TLE4: variants seen among roughly 807,000 people sequenced by gnomAD.
TLE4 encodes the protein transducin-like enhancer protein 4.
A neutral mutation model predicts 92.8 loss-of-function variants in TLE4; 8 were observed. That is an observed-to-expected ratio of 0.09 (90% CI 0.05 to 0.16). TLE4 has a LOEUF of 0.16. TLE4 is among the 10% of genes least tolerant of loss of function. The probability of loss-of-function intolerance (pLI) is 1.00; values close to 1 mark genes in which losing one functional copy is unlikely to be tolerated. For synonymous variants in TLE4, 371 were observed against 374.1 expected, an observed-to-expected ratio of 0.99 and a Z score of 0.10; for missense variants, 675 against 997.6, an observed-to-expected ratio of 0.68 and a Z score of 4.36.
chr9:79,721,374 C>A (rs1044196793), intron 16 of TLE4, among the ~76,000 whole-genome samples: 15 of 152,186 alleles, frequency 9.9e-5, no homozygotes, highest in Non-Finnish European at 1.9e-4. Flanking sequence ...AAATTAAATT[C>A]TCTCTCCCTC....
intron 8 of TLE4, among the ~76,000 whole-genome samples, chr9:79,675,724 T>G (rs1222031218): frequency 6.6e-6 from 1 of 152,158 alleles, no homozygotes; most frequent in Non-Finnish European, 1.5e-5. Flanking sequence ...TTTGCTTCTC[T>G]TTTAAACACA....
At chr9:79,665,051 C>T (rs548856484) in intron 8 of TLE4, among the ~76,000 whole-genome samples, 2 of 152,112 alleles carry the variant, frequency 1.3e-5, no homozygotes, top group Non-Finnish European at 2.9e-5. Flanking sequence ...AACAGAAGTT[C>T]GATTGCATTA....
chr9:79,582,368 T>A (rs1377634054), intron 4 of TLE4, among the ~76,000 whole-genome samples: 2 of 152,200 alleles, frequency 1.3e-5, no homozygotes, highest in African/African-American at 4.8e-5. Flanking sequence ...GTTCTTTGTA[T>A]CTAGGTATAT....
intron 4 of TLE4, among the ~76,000 whole-genome samples, chr9:79,607,981 G>C (rs2047486538): frequency 6.6e-6 from 1 of 151,896 alleles, no homozygotes; most frequent in African/African-American, 2.4e-5. Flanking sequence ...GGGCTGAGAC[G>C]ATGGGGTTTT....
intron 12 of TLE4, 119 bp from the exon 13 acceptor site, chr9:79,708,474 T>C: frequency 1.7e-6 from 2 of 1,168,868 alleles, no homozygotes; most frequent in Non-Finnish European, 2.4e-6. Context: ...TGAATGACTT[T>C]TGAGAATATT....
At chr9:79,642,450 C>G (rs2057355552) in intron 6 of TLE4, among the ~76,000 whole-genome samples, 2 of 151,678 alleles carry the variant, frequency 1.3e-5, no homozygotes, top group African/African-American at 4.8e-5. Context: ...TTAAAGTACT[C>G]TGAAGTAACT....
At position 79,652,591 on chromosome 9, in the gene TLE4, A is replaced by G. The variant is rs2059200607; in HGVS notation, c.391-2A>G. 6.2e-7 allele frequency: 1 copy of G among 1,613,938 alleles called. No homozygotes were observed. The highest frequency in any genetic ancestry group is 8.5e-7 in the Non-Finnish European group (1 of 1,179,980). ...ATATCTGTGTTTAATTTTTCACAGCAGCAACAACTCCAGGCCCAGCATTTA... is the reference window on the plus strand; with the variant it reads ...ATATCTGTGTTTAATTTTTCACAGCGGCAACAACTCCAGGCCCAGCATTTA... On this transcript the variant is annotated splice_acceptor_variant, in intron 6 of 19. Coordinates refer to ENST00000376552, the MANE Select transcript of TLE4 (RefSeq NM_007005.6). LOFTEE classifies it high-confidence loss of function.
intron 8 of TLE4, among the ~76,000 whole-genome samples, chr9:79,690,220 A>C (rs959240822): frequency 1.3e-5 from 2 of 152,228 alleles, no homozygotes; most frequent in Non-Finnish European, 2.9e-5. Flanking sequence ...GGTCCTAGTA[A>C]TGCTAATTCT....
chr9:79,585,688 C>T (rs1162928087), intron 4 of TLE4, among the ~76,000 whole-genome samples: 1 of 151,512 alleles, frequency 6.6e-6, no homozygotes, highest in Non-Finnish European at 1.5e-5. Flanking sequence ...CTTAGAAAGT[C>T]TCTTTTAGCA....
chr9:79,597,867 A>G (rs1004067727), intron 4 of TLE4, among the ~76,000 whole-genome samples: 3 of 152,132 alleles, frequency 2.0e-5, no homozygotes, highest in Admixed American at 2.0e-4. Flanking sequence ...CTGAACATTA[A>G]GTGAAATATC....
chr9:79,710,639 T>C (rs1369201001), intron 14 of TLE4, among the ~76,000 whole-genome samples: 2 of 152,124 alleles, frequency 1.3e-5, no homozygotes, highest in African/African-American at 2.4e-5. Context: ...TTACTGTCCT[T>C]CTTCCTGCAA....
At chr9:79,693,239 T>A (rs2067453467) in intron 8 of TLE4, among the ~76,000 whole-genome samples, 2 of 152,112 alleles carry the variant, frequency 1.3e-5, no homozygotes. Context: ...GATAGAGGAA[T>A]AAAGACTCAT....
intron 4 of TLE4, among the ~76,000 whole-genome samples, chr9:79,590,272 A>T (rs1429037881): frequency 6.6e-6 from 1 of 152,206 alleles, no homozygotes; most frequent in Non-Finnish European, 1.5e-5. Context: ...AAGACAAAAC[A>T]CTTGTTTGGG....
chr9:79,673,355 A>G (rs116700242), intron 8 of TLE4, among the ~76,000 whole-genome samples: 194 of 152,310 alleles, frequency 1.3e-3, no homozygotes, highest in African/African-American at 4.2e-3. Flanking sequence ...GACCCCAACC[A>G]GTGGTCCACT....
intron 6 of TLE4, among the ~76,000 whole-genome samples, chr9:79,628,769 G>A (rs2053364031): frequency 6.6e-6 from 1 of 152,100 alleles, no homozygotes; most frequent in Non-Finnish European, 1.5e-5. Flanking sequence ...GGGACGGATA[G>A]TAGAGACGAA....
chr9:79,698,765 G>T (rs1028672486), intron 8 of TLE4, among the ~76,000 whole-genome samples: 1 of 151,606 alleles, frequency 6.6e-6, no homozygotes, highest in African/African-American at 2.4e-5. Flanking sequence ...ATTTACATGT[G>T]TTATGTGTTA....
intron 8 of TLE4, among the ~76,000 whole-genome samples, chr9:79,699,754 G>A (rs1278929709): frequency 6.6e-6 from 1 of 152,170 alleles, no homozygotes; most frequent in African/African-American, 2.4e-5. Flanking sequence ...TGAATGGAAA[G>A]CAAAATTGGC....
chr9:79,697,680 G>A (rs2068632705), intron 8 of TLE4, among the ~76,000 whole-genome samples: 1 of 151,912 alleles, frequency 6.6e-6, no homozygotes, highest in East Asian at 1.9e-4. Flanking sequence ...TTAAGATAAT[G>A]TTCTAATTTA....
chr9:79,622,170 C>T (rs2051180936), intron 5 of TLE4, among the ~76,000 whole-genome samples: 1 of 152,148 alleles, frequency 6.6e-6, no homozygotes, highest in Non-Finnish European at 1.5e-5. Context: ...ATACTTGGTT[C>T]TTTAAAGCAT....
Sources: gnomAD v4.1 joint callset for allele counts (sites outside exome capture counted in the v4.1 genomes callset) on GRCh38, gnomAD v4.1.1 for gene constraint, MANE v1.5 for transcripts, NCBI Gene and HGNC (gene_info 2026-07-23, HGNC 2026-07-21) for gene names.